GALNTL6: variants seen among roughly 807,000 people sequenced by gnomAD.
GALNTL6 encodes the protein polypeptide N-acetylgalactosaminyltransferase like 6, also known as polypeptide N-acetylgalactosaminyltransferase-like 6.
GALNTL6 carries 46 observed loss-of-function variants against 73.7 expected under a neutral mutation model. The observed-to-expected ratio is 0.62, with a 90% CI of 0.49 to 0.80. The LOEUF (loss-of-function observed/expected upper bound fraction) is 0.80, where lower values mean the gene tolerates loss of function less well. GALNTL6 is among the 30% of genes least tolerant of loss of function. GALNTL6 has a pLI of 0.00. For synonymous variants in GALNTL6, 259 were observed against 263.7 expected (o/e 0.98, Z 0.17); for missense variants, 604 against 755.0 (o/e 0.80, Z 2.34).
intron 5 of GALNTL6, among the ~76,000 whole-genome samples, chr4:172,630,115 T>G (rs189293173): frequency 6.6e-6 from 1 of 152,322 alleles, no homozygotes; most frequent in East Asian, 1.9e-4. Flanking sequence ...TGTTTTTCTT[T>G]TTTCAATCTG....
chr4:171,891,935 G>A (rs1480443355), intron 2 of GALNTL6, among the ~76,000 whole-genome samples: 4 of 152,232 alleles, frequency 2.6e-5, no homozygotes, highest in East Asian at 3.9e-4. Flanking sequence ...TACAGGTTGA[G>A]CATCTGTAAT....
At chr4:172,368,535 A>C (rs1742654799) in intron 5 of GALNTL6, among the ~76,000 whole-genome samples, 1 of 152,236 alleles carries the variant, frequency 6.6e-6, no homozygotes. Flanking sequence ...AGGTCTAGAG[A>C]TAGTTCCAAC....
chr4:172,397,713 G>C (rs368701642), intron 5 of GALNTL6, among the ~76,000 whole-genome samples: 1 of 152,034 alleles, frequency 6.6e-6, no homozygotes, highest in Non-Finnish European at 1.5e-5. Flanking sequence ...AAGTAGCTGA[G>C]ATGACAGGCA....
Position 172,305,587 on chromosome 4 carries a change from A to AT in GALNTL6, c.248-6017dup, listed in dbSNP as rs199570867. On this transcript the variant is annotated intron_variant, in intron 3 of 12. Transcript: ENST00000506823. ...ATTATCATAAATATTCAAACATACA[A>AT]TTTTTTTTTTGTTTAGAGTCTTCTG... 1.3e-3 allele frequency among the ~76,000 whole-genome samples: 189 copies of AT among 150,390 alleles called. 2 individuals are homozygous for AT. The South Asian group carries it at 0.016, about 13-fold the overall frequency.
At chr4:172,246,851 C>T (rs1424620176) in intron 3 of GALNTL6, among the ~76,000 whole-genome samples, 2 of 149,972 alleles carry the variant, frequency 1.3e-5, no homozygotes, top group East Asian at 3.9e-4. Flanking sequence ...TTATCATTTA[C>T]ATACACACAC....
intron 5 of GALNTL6, among the ~76,000 whole-genome samples, chr4:172,370,299 T>TA (rs1742747477): frequency 6.6e-6 from 1 of 151,814 alleles, no homozygotes; most frequent in Non-Finnish European, 1.5e-5. Flanking sequence ...ACAAGAAGGT[T>TA]AAAAATAGAG....
chr4:172,064,784 C>T (rs915227140), intron 2 of GALNTL6, among the ~76,000 whole-genome samples: 1 of 152,086 alleles, frequency 6.6e-6, no homozygotes, highest in Non-Finnish European at 1.5e-5. Context: ...GACAAAATAA[C>T]AAAAGTTTGT....
At chr4:172,106,770 C>A (rs1313178267) in intron 2 of GALNTL6, among the ~76,000 whole-genome samples, 11 of 152,052 alleles carry the variant, frequency 7.2e-5, no homozygotes, top group Admixed American at 6.6e-4. Context: ...AGACCACAGG[C>A]CAATAGTGAA....
At chr4:172,820,764 A>G (rs1434980174) in intron 7 of GALNTL6, among the ~76,000 whole-genome samples, 1 of 152,194 alleles carries the variant, frequency 6.6e-6, no homozygotes, top group Non-Finnish European at 1.5e-5. Context: ...TGCAATTGCT[A>G]CAAATCTTCC....
intron 5 of GALNTL6, among the ~76,000 whole-genome samples, chr4:172,748,055 A>G (rs1459911154): frequency 6.6e-6 from 1 of 152,218 alleles, no homozygotes; most frequent in Non-Finnish European, 1.5e-5. Flanking sequence ...ACTATAGATT[A>G]ATTGATATAA....
intron 2 of GALNTL6, among the ~76,000 whole-genome samples, chr4:171,867,918 C>G (rs1736014172): frequency 6.6e-6 from 1 of 151,652 alleles, no homozygotes; most frequent in South Asian, 2.1e-4. Flanking sequence ...CATTTTTGCT[C>G]TTCCTGTACC....
intron 2 of GALNTL6, among the ~76,000 whole-genome samples, chr4:172,050,556 G>A (rs1730825498): frequency 6.6e-6 from 1 of 152,130 alleles, no homozygotes; most frequent in Admixed American, 6.6e-5. Context: ...AAGAACATAA[G>A]TGGTCAGAGT....
chr4:171,903,339 A>G (rs890735888), intron 2 of GALNTL6, among the ~76,000 whole-genome samples: 4 of 152,128 alleles, frequency 2.6e-5, no homozygotes, highest in Non-Finnish European at 5.9e-5. Context: ...GGAAAGCACA[A>G]GGGGTCAGGG....
intron 2 of GALNTL6, among the ~76,000 whole-genome samples, chr4:172,212,771 G>A (rs1057024464): frequency 3.3e-5 from 5 of 152,008 alleles, no homozygotes; most frequent in South Asian, 2.1e-4. Flanking sequence ...GGGTTCAAGC[G>A]ATTCTCCTGC....
chr4:172,549,211 G>T (rs529766041), intron 5 of GALNTL6, among the ~76,000 whole-genome samples: 17 of 152,188 alleles, frequency 1.1e-4, no homozygotes, highest in African/African-American at 4.1e-4. Flanking sequence ...AACTTGCATC[G>T]TTTTTATCTT....
intron 2 of GALNTL6, among the ~76,000 whole-genome samples, chr4:171,906,124 G>A (rs1468417148): frequency 1.3e-5 from 2 of 151,792 alleles, no homozygotes; most frequent in Non-Finnish European, 2.9e-5. Flanking sequence ...GCTAGCAGAA[G>A]GCAAGAAATA....
chr4:172,023,363 A>C (rs372027549), intron 2 of GALNTL6, among the ~76,000 whole-genome samples: 1 of 151,886 alleles, frequency 6.6e-6, no homozygotes, highest in African/African-American at 2.4e-5. Flanking sequence ...CTATAATCAC[A>C]ATTGTTTTCT....
chr4:172,878,676 A>G (rs1579600322), intron 7 of GALNTL6, among the ~76,000 whole-genome samples: 1 of 151,954 alleles, frequency 6.6e-6, no homozygotes, highest in East Asian at 1.9e-4. Context: ...GAAATTATGA[A>G]AAATATTCGG....
chr4:172,734,768 C>T (rs1736357888), intron 5 of GALNTL6, among the ~76,000 whole-genome samples: 2 of 152,074 alleles, frequency 1.3e-5, no homozygotes, highest in Non-Finnish European at 2.9e-5. Context: ...TGGGCCAGGT[C>T]CAGGGTCCCT....
Sources: allele counts gnomAD v4.1 joint callset (sites outside exome capture counted in the v4.1 genomes callset), GRCh38; gene constraint gnomAD v4.1.1; transcripts MANE v1.5; gene names NCBI Gene and HGNC (gene_info 2026-07-23, HGNC 2026-07-21).